Variants in ERMP1 observed in about 807,000 individuals in gnomAD.
ERMP1 encodes the protein Felix-ina.
ERMP1 carries 86 observed loss-of-function variants against 92.0 expected under a neutral mutation model. The ratio of observed to expected loss-of-function variants is 0.93; its 90% CI spans 0.79 to 1.12. The LOEUF is 1.12. ERMP1 is among the 50% of genes most tolerant of loss of function. ERMP1 has a pLI of 0.00. For missense variants in ERMP1, 1,342 were observed against 1,116.3 expected, an observed-to-expected ratio of 1.20 and a Z score of -2.88; for synonymous variants, 530 against 412.8, an observed-to-expected ratio of 1.28 and a Z score of -3.44.
In ERMP1 at chr9:5,806,365, A is replaced by T. The variant is rs1053770155; in HGVS notation, c.1549-580T>A. ...AAAATTTGATCTTACAGTTTTTGAG[A>T]TTTAAAGTCCAAGGGTTCCTATGTA... On this transcript the variant is annotated intron_variant, in intron 8 of 14. Transcript: ENST00000339450. Among the ~76,000 whole-genome samples the T allele has an allele frequency of 6.6e-5, 10 of 151,620 alleles. No individual in the cohort carries two copies. In the South Asian group the frequency reaches 1.3e-3, roughly 19 times the overall value.
chr9:5,825,563 T>C (rs1563769485), intron 2 of ERMP1, among the ~76,000 whole-genome samples: 1 of 152,236 alleles, frequency 6.6e-6, no homozygotes, highest in Non-Finnish European at 1.5e-5. Flanking sequence ...TTCTATTCTT[T>C]ACCCGTATTC....
intron 8 of ERMP1, among the ~76,000 whole-genome samples, chr9:5,806,292 G>C (rs986208698): frequency 2.0e-5 from 3 of 152,262 alleles, no homozygotes; most frequent in Admixed American, 1.3e-4. Context: ...AGTTGGTCTT[G>C]TACTGCACCT....
chr9:5,858,058 G>A (rs1029718941), intron 6 of ERMP1, among the ~76,000 whole-genome samples: 2 of 152,184 alleles, frequency 1.3e-5, no homozygotes, highest in African/African-American at 2.4e-5. Context: ...GCAGAAGAAA[G>A]GGAAGTGGTT....
intron 10 of ERMP1, among the ~76,000 whole-genome samples, chr9:5,803,690 A>G (rs1828760697): frequency 6.6e-6 from 1 of 152,150 alleles, no homozygotes; most frequent in South Asian, 2.1e-4. Flanking sequence ...AATCCTTACA[A>G]CAGCAAACCT....
chr9:5,856,979 A>G (rs894882821), intron 6 of ERMP1, among the ~76,000 whole-genome samples: 1 of 152,154 alleles, frequency 6.6e-6, no homozygotes, highest in Non-Finnish European at 1.5e-5. Context: ...CATCAATGAA[A>G]ACCATGTGGA....
At chr9:5,802,646 A>G (rs1210407432) in intron 10 of ERMP1, among the ~76,000 whole-genome samples, 2 of 152,204 alleles carry the variant, frequency 1.3e-5, no homozygotes, top group Admixed American at 6.5e-5. Context: ...TCAGCCTCCC[A>G]AAGTGCTGGG....
At chr9:5,852,497 C>T (rs1830321954) in intron 6 of ERMP1, among the ~76,000 whole-genome samples, 1 of 151,988 alleles carries the variant, frequency 6.6e-6, no homozygotes. Flanking sequence ...CTCAAGTAAT[C>T]CAGCTGCCTC....
chr9:5,843,821 T>C lies in ERMP1; in HGVS notation n.3200-10509A>G, dbSNP rs1313781618. ...GACAGTGTTGCACACACCGGGGTTG[T>C]AAAACTCAAAGGCAGAGTTACAGCC... On this transcript the variant is annotated intron_variant and non_coding_transcript_variant, in intron 6 of 6. Transcript: ENST00000690753. Among the ~76,000 whole-genome samples the C allele has an allele frequency of 3.9e-5, 6 of 152,302 alleles. 1 individual carries two copies. The highest frequency in any genetic ancestry group is 1.4e-4 in the African/African-American group (6 of 41,562).
chr9:5,852,290 G>C (rs956741792), intron 6 of ERMP1, among the ~76,000 whole-genome samples: 1 of 150,448 alleles, frequency 6.6e-6, no homozygotes, highest in East Asian at 1.9e-4. Context: ...TCCAGACAGC[G>C]TCTCATTCTG....
intron 6 of ERMP1, among the ~76,000 whole-genome samples, chr9:5,859,291 T>G (rs554345045): frequency 1.5e-4 from 15 of 102,208 alleles, no homozygotes; most frequent in African/African-American, 3.8e-4. Context: ...CTCTTGCTAC[T>G]CTCTTGGGAG....
At chr9:5,860,283 C>T (rs1409480735) in intron 5 of ERMP1, among the ~76,000 whole-genome samples, 3 of 149,120 alleles carry the variant, frequency 2.0e-5, no homozygotes, top group African/African-American at 7.4e-5. Context: ...CAGCCAGACC[C>T]TGTTTCCAAA....
At chr9:5,832,418 A>T (rs1351300531) in intron 1 of ERMP1, 1 of 417,900 alleles carries the variant, frequency 2.4e-6, no homozygotes, top group East Asian at 3.8e-5. Context: ...AACCATCTGC[A>T]CGAAGGGCAG....
chr9:5,801,460 T>C, intron 10 of ERMP1, 132 bp from the exon 11 acceptor site: 2 of 716,756 alleles, frequency 2.8e-6, no homozygotes, highest in Non-Finnish European at 4.4e-6. Flanking sequence ...GGTGCTAGCA[T>C]ACTCTAACAT....
chr9:5,834,559 A>C (rs372340676), upstream of ERMP1, among the ~76,000 whole-genome samples: 9 of 152,324 alleles, frequency 5.9e-5, no homozygotes, highest in South Asian at 1.7e-3. Flanking sequence ...CAGCAAGCAT[A>C]ATTTTAGCTC....
rs901737500 is a variant in ERMP1 at position 5,798,053 on chromosome 9, G to A, written c.2271-121C>T. 7 of 695,686 alleles carry A rather than the reference G, an allele frequency of 1.0e-5. No homozygotes were observed. The African/African-American group carries it at 1.3e-4, about 13-fold the overall frequency. 43.1% of individuals were successfully genotyped at this position (695,686 alleles called of 1,614,324 possible). A position where few individuals can be genotyped will look rare whatever the true frequency, so the allele number is the denominator to read the frequency against. On this transcript the variant is annotated intron_variant, in intron 12 of 14. Coordinates refer to ENST00000339450, the MANE Select transcript of ERMP1 (RefSeq NM_024896.3). The stretch of plus-strand genomic sequence containing the variant: ...GGTATGAAAATAAACTGACAGACAT[G>A]ATAAGCAATGCCAACTCCAACAAAT...
At chr9:5,862,719 C>T (rs1830538604) in intron 5 of ERMP1, among the ~76,000 whole-genome samples, 1 of 152,308 alleles carries the variant, frequency 6.6e-6, no homozygotes, top group East Asian at 1.9e-4. Context: ...CATCAAGGGT[C>T]ATCCTTGATT....
At chr9:5,837,221 G>A (rs1203134122), upstream of ERMP1, among the ~76,000 whole-genome samples, 3 of 152,104 alleles carry the variant, frequency 2.0e-5, no homozygotes, top group African/African-American at 7.2e-5. Context: ...CTGACCTCAA[G>A]CAATACTGCT....
chr9:5,851,916 TCAA>T (rs931765227), intron 6 of ERMP1, among the ~76,000 whole-genome samples: 2 of 152,172 alleles, frequency 1.3e-5, no homozygotes, highest in Non-Finnish European at 2.9e-5. Flanking sequence ...TCATAATGAG[TCAA>T]CAAGTCATTT....
intron 10 of ERMP1, among the ~76,000 whole-genome samples, chr9:5,802,807 C>G (rs1428037263): frequency 6.6e-6 from 1 of 152,162 alleles, no homozygotes; most frequent in Non-Finnish European, 1.5e-5. Flanking sequence ...GAGGAGAAGA[C>G]TCAGAAACAG....
Sources: gnomAD v4.1 joint callset for allele counts (sites outside exome capture counted in the v4.1 genomes callset) on GRCh38, gnomAD v4.1.1 for gene constraint, MANE v1.5 for transcripts, NCBI Gene and HGNC (gene_info 2026-07-23, HGNC 2026-07-21) for gene names.